Variants in SLC7A8 observed in about 807,000 individuals in gnomAD.
SLC7A8 encodes large neutral amino acids transporter small subunit 2.
SLC7A8 carries 30 observed loss-of-function variants against 51.2 expected under a neutral mutation model. That is an observed-to-expected ratio of 0.59 (90% CI 0.44 to 0.80). The LOEUF (loss-of-function observed/expected upper bound fraction) is 0.80, where lower values mean the gene tolerates loss of function less well. Among genes scored for constraint, SLC7A8 ranks in the 30% least tolerant of loss-of-function variants. The pLI is 0.00. For missense variants in SLC7A8, 612 were observed against 674.4 expected (o/e 0.91, Z 1.03); for synonymous variants, 257 against 275.8 (o/e 0.93, Z 0.67).
rs557345829 is a variant in SLC7A8, at chr14:23,145,864, A to G, written c.509-2660T>C. On this transcript the variant is annotated intron_variant, in intron 3 of 10. Coordinates refer to ENST00000316902, the MANE Select transcript of SLC7A8 (RefSeq NM_012244.4). Reference sequence around the variant, plus strand: ...CCTCATGGAAGAGCTATTATCCAAGATGATGTCATGCAAGGAGAAGCAAAA... The same window carrying G: ...CCTCATGGAAGAGCTATTATCCAAGGTGATGTCATGCAAGGAGAAGCAAAA... Among the ~76,000 whole-genome samples the G allele has an allele frequency of 3.3e-5, 5 of 152,326 alleles. No homozygotes were observed. In the South Asian group the frequency reaches 8.3e-4, roughly 25 times the overall value.
chr14:23,131,743 A>G (rs1216648597), intron 7 of SLC7A8, among the ~76,000 whole-genome samples, 186 bp from the exon 8 acceptor site: 1 of 152,198 alleles, frequency 6.6e-6, no homozygotes, highest in African/African-American at 2.4e-5. Context: ...GTGCAAGCAA[A>G]CCAGAGGCAG....
intron 1 of SLC7A8, among the ~76,000 whole-genome samples, chr14:23,173,533 T>C (rs2048985018): frequency 6.6e-6 from 1 of 152,244 alleles, no homozygotes; most frequent in African/African-American, 2.4e-5. Flanking sequence ...CCACTAATCA[T>C]CAATGGTTCC....
At position 23,165,461 on chromosome 14, in the gene SLC7A8, C is replaced by T. The variant is rs759718284; in HGVS notation, c.357-25G>A. 25 of 1,573,036 alleles carry T rather than the reference C, an allele frequency of 1.6e-5. No individual in the cohort carries two copies. The highest frequency in any genetic ancestry group is 5.9e-5 in the Admixed American group (3 of 51,280). ...CCTGAAGGAGGAAAGGGACATCCGC[C>T]GAAAGGCATGGCAGGGACGCAGAGC... On this transcript the variant is annotated intron_variant, in intron 2 of 10. Coordinates refer to ENST00000316902, the MANE Select transcript of SLC7A8 (RefSeq NM_012244.4). This position sits in a 1 kb window ranked among gnomAD's most constrained non-coding sequence, Gnocchi z 4.2.
chr14:23,155,264 A>G (rs1167458583), intron 3 of SLC7A8: 1 of 1,535,948 alleles, frequency 6.5e-7, no homozygotes, highest in African/African-American at 1.4e-5. Flanking sequence ...GCAGAGGAGG[A>G]GGGTGCAGAG....
At chr14:23,137,820 C>T in intron 7 of SLC7A8, 101 bp downstream of exon 7, 2 of 1,452,258 alleles carry the variant, frequency 1.4e-6, no homozygotes, top group Non-Finnish European at 1.9e-6. Context: ...ATCCAGATGC[C>T]CACACAGACC....
At position 23,155,743 on chromosome 14, in the gene SLC7A8, G is replaced by C. The variant is rs58218536; in HGVS notation, c.508+9542C>G. 5.0e-3 allele frequency among the ~76,000 whole-genome samples: 762 copies of C among 152,034 alleles called. 2 individuals carry two copies. Among genetic ancestry groups the C allele is most frequent in the African/African-American group, 0.018 (735 of 41,488 alleles). On this transcript the variant is annotated intron_variant, in intron 3 of 10. Transcript: ENST00000316902. ...CCGAGACATGGAGCAAGGTGGATGA[G>C]AATGGGTTCTGTTGAGTCTGCACTG...
At chr14:23,139,617 G>C in intron 5 of SLC7A8, 70 bp from the exon 6 acceptor site, 1 of 1,543,078 alleles carries the variant, frequency 6.5e-7, no homozygotes, top group Non-Finnish European at 8.8e-7. Context: ...GAGTCCAGGG[G>C]GTGTCTTCTG....
rs2048596952 is a variant in SLC7A8, at chr14:23,128,144, A to C, written c.1316T>G (p.Val439Gly). Residue 439 changes from valine (V) to glycine (G), a missense_variant, in exon 10 of 11, where the codon GTC becomes GGC. Transcript: ENST00000316902. The surrounding 1 kb of genome is among the most constrained non-coding windows in gnomAD (Gnocchi z 4.3). Reference sequence around the variant, plus strand: ...CACCGGCTCTGACCACAGGCTGAAGACCAGCAGGAAGGCCCAGAACAGCAA... The same window carrying C: ...CACCGGCTCTGACCACAGGCTGAAGCCCAGCAGGAAGGCCCAGAACAGCAA... ...IYLLFWAFLL[V>G]FSLWSEPVVC... The C allele has an allele frequency of 6.2e-7, 1 of 1,614,218 alleles. No homozygotes were observed. Among genetic ancestry groups the C allele is most frequent in the Non-Finnish European group, 8.5e-7 (1 of 1,180,032 alleles).
At chr14:23,135,566 G>A (rs952389253) in intron 7 of SLC7A8, among the ~76,000 whole-genome samples, 6 of 151,888 alleles carry the variant, frequency 4.0e-5, no homozygotes, top group Non-Finnish European at 7.4e-5. Flanking sequence ...GCCAGGCGTG[G>A]TGGCAGGCGC....
rs1191972763 is a variant in SLC7A8, at chr14:23,183,577, C to T, written c.-663G>A. ...CTTCTTTCTCGCTGGTCTTCGTGCC[C>T]TTGTTTTCCTCTTTTCGATCCCCGT... On this transcript the variant is annotated 5_prime_UTR_variant, in exon 1 of 11. Transcript: ENST00000316902. 1.3e-5 allele frequency: 2 copies of T among 152,430 alleles called. No individual in the cohort carries two copies. The highest frequency in any genetic ancestry group is 4.8e-5 in the African/African-American group (2 of 41,420). 9.4% of individuals were successfully genotyped at this position (152,430 alleles called of 1,614,324 possible). A position where few individuals can be genotyped will look rare whatever the true frequency, so the allele number is the denominator to read the frequency against.
chr14:23,144,341 A>AATTTTTTTTTTTTTTTTTT (rs375223021), intron 3 of SLC7A8, among the ~76,000 whole-genome samples: 1 of 114,356 alleles, frequency 8.7e-6, no homozygotes. Context: ...TTTAAACACA[A>AATTTTTTTTTTTTTTTTTT]TTTTTTTTTT....
At position 23,166,374 on chromosome 14, in the gene SLC7A8, G is replaced by A. The variant is rs748823256; in HGVS notation, c.318C>T (p.Asp106=). The change falls in exon 2 of 11, where the codon GAC becomes GAT. Residue 106 remains aspartate (D), a synonymous_variant. Coordinates refer to ENST00000316902, the MANE Select transcript of SLC7A8 (RefSeq NM_012244.4). ...CGAAGATGTCCTTGACATAGGAGTA[G>A]TCACCTCCAGATTTGGGGATGGTGA... ...LGVTIPKSGG[D]YSYVKDIFGG... 1 of 1,614,088 alleles carries A rather than the reference G, an allele frequency of 6.2e-7. No homozygotes were observed. Among genetic ancestry groups the A allele is most frequent in the Admixed American group, 1.7e-5 (1 of 60,016 alleles).
At chr14:23,138,780 G>T (rs965603071) in intron 6 of SLC7A8, among the ~76,000 whole-genome samples, 3 of 152,200 alleles carry the variant, frequency 2.0e-5, no homozygotes, top group Non-Finnish European at 2.9e-5. Context: ...AGAATAGAAG[G>T]CTGTTGGTCA....
chr14:23,131,801 G>A (rs1484270722), intron 7 of SLC7A8, among the ~76,000 whole-genome samples: 1 of 152,222 alleles, frequency 6.6e-6, no homozygotes, highest in Non-Finnish European at 1.5e-5. Context: ...CCTGAATGTG[G>A]TATGGGTGGC....
chr14:23,129,197 A>C (rs1223989148), intron 9 of SLC7A8: 2 of 168,466 alleles, frequency 1.2e-5, no homozygotes, highest in African/African-American at 4.8e-5. Context: ...AGACTGGAAG[A>C]CTTCAAGAAA....
intron 3 of SLC7A8, among the ~76,000 whole-genome samples, chr14:23,148,983 A>G (rs902993071): frequency 2.0e-5 from 3 of 152,216 alleles, no homozygotes; most frequent in Non-Finnish European, 4.4e-5. Flanking sequence ...GCTTTTAAAC[A>G]GCAGCCAGGC....
At chr14:23,173,564 A>G (rs561787053) in intron 1 of SLC7A8, among the ~76,000 whole-genome samples, 2 of 152,300 alleles carry the variant, frequency 1.3e-5, no homozygotes, top group East Asian at 3.9e-4. Flanking sequence ...CAACATACTG[A>G]TGCACTCTGG....
intron 3 of SLC7A8, among the ~76,000 whole-genome samples, chr14:23,161,204 C>T (rs1451078392): frequency 6.6e-6 from 1 of 152,028 alleles, no homozygotes; most frequent in African/African-American, 2.4e-5. Context: ...CTGGCTCCTC[C>T]CAACTTCATT....
chr14:23,140,365 G>T, intron 5 of SLC7A8, 106 bp downstream of exon 5: 1 of 1,191,374 alleles, frequency 8.4e-7, no homozygotes, highest in Non-Finnish European at 1.2e-6. Flanking sequence ...CAGTTAGAAT[G>T]GGGCTTTGGA....
Sources: allele counts gnomAD v4.1 joint callset (sites outside exome capture counted in the v4.1 genomes callset), GRCh38; gene constraint gnomAD v4.1.1; non-coding constraint Gnocchi (gnomAD v3.1); transcripts MANE v1.5; gene names NCBI Gene and HGNC (gene_info 2026-07-23, HGNC 2026-07-21).